Variants in TSPAN4 observed in about 807,000 individuals in gnomAD.
The protein encoded by TSPAN4 is tetraspanin 4.
Under a neutral mutation model 31.5 loss-of-function variants are expected in TSPAN4, and 38 were observed. That is an observed-to-expected ratio of 1.21 (90% CI 0.93 to 1.58). The LOEUF is 1.58. Ranked by LOEUF, TSPAN4 falls within the 40% of genes most tolerant of loss-of-function variation. The pLI is 0.00. For missense variants in TSPAN4, 330 were observed against 317.3 expected (o/e 1.04, Z -0.30); for synonymous variants, 186 against 144.6 (o/e 1.29, Z -2.06).
At chr11:861,915 T>C (rs1398584420) in intron 3 of TSPAN4, among the ~76,000 whole-genome samples, 1 of 151,982 alleles carries the variant, frequency 6.6e-6, no homozygotes, top group Non-Finnish European at 1.5e-5. Flanking sequence ...AGGGTGAGAC[T>C]CCATCTCCAA....
At position 849,204 on chromosome 11, in the gene TSPAN4, G is replaced by A. The variant is rs990161400; in HGVS notation, c.-17-1084G>A. 3.3e-5 allele frequency among the ~76,000 whole-genome samples: 5 copies of A among 152,016 alleles called. No individual in the cohort carries two copies. In the South Asian group the frequency reaches 6.2e-4, roughly 19 times the overall value. Reference sequence around the variant, plus strand: ...TGTCCTGGGGCTGCCAGCCTCCTGCGGGGCTGCCTGGTGGAGGGGGGGTGG... The same window carrying A: ...TGTCCTGGGGCTGCCAGCCTCCTGCAGGGCTGCCTGGTGGAGGGGGGGTGG... On this transcript the variant is annotated intron_variant, in intron 2 of 8. Coordinates refer to ENST00000397397, the MANE Select transcript of TSPAN4 (RefSeq NM_003271.5).
chr11:862,929 G>A (rs570635030), intron 4 of TSPAN4, 188 bp downstream of exon 4: 3 of 630,388 alleles, frequency 4.8e-6, no homozygotes, highest in Middle Eastern at 4.3e-4. Context: ...ACTGGGGCTG[G>A]GGGGTGATTT....
chr11:859,103 C>T (rs1433312838), intron 3 of TSPAN4, among the ~76,000 whole-genome samples: 5 of 137,860 alleles, frequency 3.6e-5, no homozygotes, highest in African/African-American at 1.1e-4. Context: ...CACGCACCCC[C>T]GGGCTCACAC....
At chr11:846,404 G>A (rs1590221259) in intron 1 of TSPAN4, among the ~76,000 whole-genome samples, 1 of 152,182 alleles carries the variant, frequency 6.6e-6, no homozygotes, top group Non-Finnish European at 1.5e-5. Flanking sequence ...TGGGGCTCTC[G>A]CTCAGCCAGG....
rs756695910 is a variant in TSPAN4 at position 866,575 on chromosome 11, C to T, written c.662C>T (p.Thr221Ile). 4.3e-6 allele frequency: 7 copies of T among 1,613,356 alleles called. No individual in the cohort carries two copies. In the Admixed American group the frequency reaches 6.7e-5, roughly 15 times the overall value. The change falls in exon 9 of 9, where the codon ACC (threonine) becomes ATC (isoleucine). Residue 221 changes from threonine to isoleucine, a missense_variant. Transcript: ENST00000397397. ...CCCTACCTACAGATCCTGGGCCTGA[C>T]CTTCGCCATGACCATGTACTGCCAA... ...CTALVQILGL[T>I]FAMTMYCQVV...
chr11:864,803 C>T (rs1241202652), intron 5 of TSPAN4: 100 of 525,458 alleles, frequency 1.9e-4, no homozygotes, highest in Non-Finnish European at 1.5e-4. Flanking sequence ...CTGCTCCCAG[C>T]GCCCCATCCG....
intron 1 of TSPAN4, among the ~76,000 whole-genome samples, chr11:845,567 G>A (rs921541986): frequency 2.0e-5 from 3 of 152,154 alleles, no homozygotes; most frequent in African/African-American, 7.2e-5. Context: ...GTTCTATAGG[G>A]GTCTAGGTTG....
rs1400310917 is a variant in TSPAN4, at chr11:865,804, C to T, written c.543C>T (p.Ala181=). 3.7e-6 allele frequency: 6 copies of T among 1,612,394 alleles called. No individual in the cohort carries two copies. The South Asian group carries it at 4.4e-5, about 12-fold the overall frequency. Residue 181 remains alanine, a synonymous_variant, in exon 7 of 9, where the codon GCC becomes GCT. Coordinates refer to ENST00000397397, the MANE Select transcript of TSPAN4 (RefSeq NM_003271.5). ...LEFSESCGLH[A]PGTWWKAPCY... is the part of the protein sequence containing the mutation. The stretch of plus-strand genomic sequence containing the variant: ...TCAGTGAGAGCTGTGGGCTGCACGC[C>T]CCCGGCACCTGGTGGAAGGCGGTGA...
intron 3 of TSPAN4, among the ~76,000 whole-genome samples, chr11:855,545 C>T (rs1001433932): frequency 6.6e-6 from 1 of 152,202 alleles, no homozygotes; most frequent in Non-Finnish European, 1.5e-5. Context: ...GCTTTGGACA[C>T]TGGCCTCAGG....
chr11:848,700 C>T lies in TSPAN4; in HGVS notation c.-18+1400C>T. The T allele has an allele frequency of 1.9e-6, 1 of 515,008 alleles. No individual in the cohort carries two copies. Among genetic ancestry groups the T allele is most frequent in the South Asian group, 2.8e-5 (1 of 36,260 alleles). The allele number at this position is 515,008 out of a possible 1,614,324, so 31.9% of individuals were successfully genotyped here. On this transcript the variant is annotated intron_variant, in intron 2 of 8. Transcript: ENST00000397397. This position sits in a 1 kb window ranked among gnomAD's most constrained non-coding sequence, Gnocchi z 5.7. Reference sequence around the variant, plus strand: ...TCTCCCTCCTCTTCCTCCTGCCCTTCCTCATTCCCCACCTCTGGGCTTCAG... The same window carrying T: ...TCTCCCTCCTCTTCCTCCTGCCCTTTCTCATTCCCCACCTCTGGGCTTCAG...
intron 1 of TSPAN4, among the ~76,000 whole-genome samples, chr11:845,311 C>T (rs28747683): frequency 0.99 from 150,969 of 152,326 alleles, 74,830 homozygotes; most frequent in Middle Eastern, 1. Context: ...CACTGCCCAC[C>T]GTACCCACGC....
At chr11:861,362 C>T (rs1414748593) in intron 3 of TSPAN4, among the ~76,000 whole-genome samples, 1 of 152,154 alleles carries the variant, frequency 6.6e-6, no homozygotes, top group Admixed American at 6.6e-5. Flanking sequence ...TGCCTGTAAT[C>T]TCAGCACTTT....
At chr11:858,219 C>T (rs1287364754) in intron 3 of TSPAN4, 1 of 152,654 alleles carries the variant, frequency 6.6e-6, no homozygotes, top group Non-Finnish European at 1.5e-5. Flanking sequence ...GGACACCTCT[C>T]CAAAGGGGTG....
chr11:862,971 G>A (rs1039470888), intron 4 of TSPAN4: 34 of 538,166 alleles, frequency 6.3e-5, no homozygotes, highest in Admixed American at 4.2e-4. Flanking sequence ...TCAAGAGAAC[G>A]TGCTGTACCT....
intron 3 of TSPAN4, among the ~76,000 whole-genome samples, chr11:851,651 GAGGCCC>G (rs1416480246): frequency 6.6e-6 from 1 of 152,110 alleles, no homozygotes; most frequent in Non-Finnish European, 1.5e-5. Flanking sequence ...CTGGAGGGGT[GAGGCCC>G]AGGCCTGAGG....
Position 848,601 on chromosome 11 carries a change from A to T in TSPAN4, c.-18+1301A>T, listed in dbSNP as rs2133990970. Among the ~76,000 whole-genome samples the T allele has an allele frequency of 1.3e-5, 2 of 151,774 alleles. No individual in the cohort carries two copies. Among genetic ancestry groups the T allele is most frequent in the Admixed American group, 6.5e-5 (1 of 15,276 alleles). The stretch of plus-strand genomic sequence containing the variant: ...AGACCTGCCACCTCCCACATCAGTC[A>T]CTCCAGGAGGACCCAGGCCTCCAGA... On this transcript the variant is annotated intron_variant, in intron 2 of 8. Transcript: ENST00000397397. This position sits in a 1 kb window ranked among gnomAD's most constrained non-coding sequence, Gnocchi z 5.7.
intron 3 of TSPAN4, among the ~76,000 whole-genome samples, chr11:861,329 A>T (rs1848443936): frequency 6.6e-6 from 1 of 152,300 alleles, no homozygotes; most frequent in East Asian, 1.9e-4. Context: ...AGAAATCATA[A>T]CTTGGCCGGG....
At chr11:862,191 G>A in intron 3 of TSPAN4, 2 of 244,850 alleles carry the variant, frequency 8.2e-6, no homozygotes, top group Non-Finnish European at 1.6e-5. Context: ...AGACGGTGAA[G>A]CGGGGTTAGG....
intron 3 of TSPAN4, among the ~76,000 whole-genome samples, chr11:855,431 C>A (rs1847993281): frequency 6.6e-6 from 1 of 152,234 alleles, no homozygotes; most frequent in South Asian, 2.1e-4. Flanking sequence ...GTCACAGTCT[C>A]CTCCTGGATT....
Sources: allele counts gnomAD v4.1 joint callset (sites outside exome capture counted in the v4.1 genomes callset), GRCh38; gene constraint gnomAD v4.1.1; non-coding constraint Gnocchi (gnomAD v3.1); transcripts MANE v1.5; gene names NCBI Gene and HGNC (gene_info 2026-07-23, HGNC 2026-07-21).